TIE1: variants seen among roughly 807,000 people sequenced by gnomAD.
TIE1 encodes tyrosine kinase with immunoglobulin like and EGF like domains 1.
Under a neutral mutation model 130.5 loss-of-function variants are expected in TIE1, and 89 were observed. The observed-to-expected ratio is 0.68, with a 90% CI of 0.57 to 0.81. The LOEUF (loss-of-function observed/expected upper bound fraction) is 0.81. TIE1 is among the 40% of genes least tolerant of loss of function. The pLI, the probability that TIE1 is intolerant of heterozygous loss-of-function variation, is 0.00. For synonymous variants in TIE1, 568 were observed against 629.4 expected (o/e 0.90, Z 1.46); for missense variants, 1,392 against 1,559.8 (o/e 0.89, Z 1.81).
Position 43,307,035 on chromosome 1 carries a change from G to T in TIE1, c.640+40G>T, listed in dbSNP as rs756225035. The T allele has an allele frequency of 1.2e-6, 2 of 1,613,284 alleles. No homozygotes were observed. Among genetic ancestry groups the T allele is most frequent in the South Asian group, 1.1e-5 (1 of 91,070 alleles). On this transcript the variant is annotated intron_variant, in intron 4 of 22. Coordinates refer to ENST00000372476, the MANE Select transcript of TIE1 (RefSeq NM_005424.5). This position sits in a 1 kb window ranked among gnomAD's most constrained non-coding sequence, Gnocchi z 5.4. ...GCAGAGGTTGTGGGTAGGGTGGGAG[G>T]CTGGGAGCCCTATGGGTACTTCCTG...
At position 43,312,240 on chromosome 1, in the gene TIE1, G is replaced by T. The variant is rs1646804614; in HGVS notation, c.1631-65G>T. On this transcript the variant is annotated intron_variant, in intron 11 of 22. Transcript: ENST00000372476. This position sits in a 1 kb window ranked among gnomAD's most constrained non-coding sequence, Gnocchi z 5.6. ...AGGTTGTTCTTCCTTGTTCACTGGG[G>T]ATCATTGTCCTGTCCAGCCCCAAGT... is the stretch of plus-strand genomic sequence containing the variant. 6.6e-7 allele frequency: 1 copy of T among 1,512,484 alleles called. No individual in the cohort carries two copies. The highest frequency in any genetic ancestry group is 1.4e-5 in the African/African-American group (1 of 71,700). The allele number at this position is 1,512,484 out of a possible 1,614,324, so 93.7% of individuals were successfully genotyped here.
Position 43,313,329 on chromosome 1 carries a change from C to A in TIE1, c.2122C>A (p.Leu708Ile). 6.2e-7 allele frequency: 1 copy of A among 1,614,052 alleles called. No homozygotes were observed. The highest frequency in any genetic ancestry group is 8.5e-7 in the Non-Finnish European group (1 of 1,179,966). The change falls in exon 13 of 23, where the codon CTC (leucine) becomes ATC (isoleucine). Residue 708 changes from leucine to isoleucine, a missense_variant. Leu to Ile is a conservative substitution (Grantham distance 5). Around this residue, in one of 6 missense-constraint regions of TIE1, gnomAD observed 551 missense variants for 565.5 expected, o/e 0.97. Coordinates refer to ENST00000372476, the MANE Select transcript of TIE1 (RefSeq NM_005424.5). The surrounding 1 kb of genome is among the most constrained non-coding windows in gnomAD (Gnocchi z 6.2). ...GGAGACAAGCACCATCATCCGTGGCCTCAACGCCAGCACGCGCTACCTCTT... is the reference window on the plus strand; with the variant it reads ...GGAGACAAGCACCATCATCCGTGGCATCAACGCCAGCACGCGCTACCTCTT... The part of the protein sequence containing the change: ...PEETSTIIRG[L>I]NASTRYLFRM...
chr1:43,307,579 C>G lies in TIE1; in HGVS notation c.913+7C>G. On this transcript the variant is annotated splice_region_variant and intron_variant, in intron 6 of 22. Coordinates refer to ENST00000372476, the MANE Select transcript of TIE1 (RefSeq NM_005424.5). The surrounding 1 kb of genome is among the most constrained non-coding windows in gnomAD (Gnocchi z 5.4). ...GGAAGCCAGTGCCAAGAAGGTATGC[C>G]TAACCTACCCTCATGGTCCCTGACC... 1 of 1,614,028 alleles carries G rather than the reference C, an allele frequency of 6.2e-7. No individual in the cohort carries two copies. Among genetic ancestry groups the G allele is most frequent in the Non-Finnish European group, 8.5e-7 (1 of 1,179,976 alleles).
chr1:43,313,617 G>T lies in TIE1; in HGVS notation c.2219-161G>T. 9.5e-7 allele frequency: 1 copy of T among 1,053,660 alleles called. No homozygotes were observed. Among genetic ancestry groups the T allele is most frequent in the Non-Finnish European group, 1.3e-6 (1 of 745,330 alleles). The allele number at this position is 1,053,660 out of a possible 1,614,324, so 65.3% of individuals were successfully genotyped here. A position where few individuals can be genotyped will look rare whatever the true frequency, so the allele number is the denominator to read the frequency against. ...GTCCCAGGGCTGGGAAAATCATGTC[G>T]CCCCTCTGACACCCCTCATCCCTTC... On this transcript the variant is annotated intron_variant, in intron 13 of 22. Transcript: ENST00000372476. The surrounding 1 kb of genome is among the most constrained non-coding windows in gnomAD (Gnocchi z 6.2).
rs1646828634 is a variant in TIE1 at position 43,313,688 on chromosome 1, C to A, written c.2219-90C>A. 5 of 1,381,192 alleles carry A rather than the reference C, an allele frequency of 3.6e-6. No individual in the cohort carries two copies. Among genetic ancestry groups the A allele is most frequent in the Non-Finnish European group, 3.9e-6 (4 of 1,028,466 alleles). 85.6% of individuals were successfully genotyped at this position (1,381,192 alleles called of 1,614,324 possible). A position where few individuals can be genotyped will look rare whatever the true frequency, so the allele number is the denominator to read the frequency against. On this transcript the variant is annotated intron_variant, in intron 13 of 22. Coordinates refer to ENST00000372476, the MANE Select transcript of TIE1 (RefSeq NM_005424.5). The surrounding 1 kb of genome is among the most constrained non-coding windows in gnomAD (Gnocchi z 6.2). ...TTCCTGACAGTCCTGGCACTGGGAT[C>A]TTTCACCTCTCCCTCTGTGTAACCC...
rs1280915963 is a variant in TIE1, at chr1:43,304,990, C to T, written c.198C>T (p.Asp66=). ...AWGPPLLLEK[D]DRIVRTPPGP... ...GCCCGCCCCTGCTGCTGGAGAAGGA[C>T]GACCGTATCGTGCGCACCCCGCCCG... Residue 66 remains aspartate (D), a synonymous_variant, in exon 2 of 23, where the codon GAC becomes GAT. Transcript: ENST00000372476. The T allele has an allele frequency of 6.6e-6, 10 of 1,503,934 alleles. No homozygotes were observed. Among genetic ancestry groups the T allele is most frequent in the Non-Finnish European group, 8.0e-6 (9 of 1,126,176 alleles). 93.2% of individuals were successfully genotyped at this position (1,503,934 alleles called of 1,614,324 possible).
Position 43,318,074 on chromosome 1 carries a change from T to C in TIE1, c.2922+2T>C. On this transcript the variant is annotated splice_donor_variant, in intron 17 of 22. Coordinates refer to ENST00000372476, the MANE Select transcript of TIE1 (RefSeq NM_005424.5). LOFTEE classifies it high-confidence loss of function. This position sits in a 1 kb window ranked among gnomAD's most constrained non-coding sequence, Gnocchi z 4.4. ...ATGCAGTACCTGAGTGAGAAGCAGG[T>C]GTGTGTGAGTGGGGGCGGGTGGAGG... 6.5e-7 allele frequency: 1 copy of C among 1,534,078 alleles called. No homozygotes were observed. Among genetic ancestry groups the C allele is most frequent in the Non-Finnish European group, 8.8e-7 (1 of 1,140,138 alleles).
At position 43,301,032 on chromosome 1, in the gene TIE1, G is replaced by A. The variant is rs751652829; in HGVS notation, c.-40G>A. ...TCAGGCCCACAGCATCTGACCCCAG[G>A]CCCAGCTCGTCCTGGCTGGCCTGGG... On this transcript the variant is annotated 5_prime_UTR_variant, in exon 1 of 23. Transcript: ENST00000372476. 3.1e-6 allele frequency: 5 copies of A among 1,611,926 alleles called. No individual in the cohort carries two copies. Among genetic ancestry groups the A allele is most frequent in the Non-Finnish European group, 2.5e-6 (3 of 1,178,734 alleles).
At chr1:43,303,362 T>C (rs977883340) in intron 1 of TIE1, among the ~76,000 whole-genome samples, 2 of 152,154 alleles carry the variant, frequency 1.3e-5, no homozygotes, top group African/African-American at 4.8e-5. Flanking sequence ...GTAGAATAAT[T>C]ACCATGATCC....
chr1:43,311,686 T>A lies in TIE1; in HGVS notation c.1349T>A (p.Leu450Gln), dbSNP rs1320059305. ...CTCCTGGCAGTGCCCCCCGTGCCCC[T>A]GGCTGCACCTCGGCTCCTGACCAAG... is the stretch of plus-strand genomic sequence containing the variant. ...KVNVKVPPVP[L>Q]AAPRLLTKQS... is the part of the protein sequence containing the mutation. The change falls in exon 10 of 23, where the codon CTG becomes CAG. Residue 450 changes from leucine to glutamine, a missense_variant. Leu to Gln is a moderately radical substitution (Grantham distance 113). This residue lies in a region of TIE1 where 551 missense variants were observed against 565.5 expected (regional missense o/e 0.97). Transcript: ENST00000372476. 1 of 1,613,390 alleles carries A rather than the reference T, an allele frequency of 6.2e-7. No individual in the cohort carries two copies. Among genetic ancestry groups the A allele is most frequent in the South Asian group, 1.1e-5 (1 of 90,996 alleles).
intron 14 of TIE1, chr1:43,314,283 C>T (rs1646837542): frequency 1.1e-6 from 1 of 944,676 alleles, no homozygotes; most frequent in Non-Finnish European, 1.4e-6. Context: ...AGATTTTCCT[C>T]TCCCCTCTTT....
Position 43,317,741 on chromosome 1 carries a change from A to C in TIE1, c.2731+67A>C. 6.1e-6 allele frequency: 9 copies of C among 1,464,874 alleles called. No individual in the cohort carries two copies. The highest frequency in any genetic ancestry group is 1.3e-5 in the South Asian group (1 of 79,500). The allele number at this position is 1,464,874 out of a possible 1,614,324, so 90.7% of individuals were successfully genotyped here. A position where few individuals can be genotyped will look rare whatever the true frequency, so the allele number is the denominator to read the frequency against. ...CATCCTCAGCCATCACCTCCACCAC[A>C]TGAGTAGCTTGCCAGGGGCTGCTGG... is the stretch of plus-strand genomic sequence containing the variant. On this transcript the variant is annotated intron_variant, in intron 16 of 22. Coordinates refer to ENST00000372476, the MANE Select transcript of TIE1 (RefSeq NM_005424.5). This position sits in a 1 kb window ranked among gnomAD's most constrained non-coding sequence, Gnocchi z 5.1.
rs1433753686 is a variant in TIE1, at chr1:43,313,463, A to G, written c.2218+38A>G. On this transcript the variant is annotated intron_variant, in intron 13 of 22. Coordinates refer to ENST00000372476, the MANE Select transcript of TIE1 (RefSeq NM_005424.5). This position sits in a 1 kb window ranked among gnomAD's most constrained non-coding sequence, Gnocchi z 6.2. ...GGCCCACAGGACCCCCCGGGCTCTGAGCGGGGAGAGCTCAGCACGCTCTCC... is the reference window on the plus strand; with the variant it reads ...GGCCCACAGGACCCCCCGGGCTCTGGGCGGGGAGAGCTCAGCACGCTCTCC... The G allele has an allele frequency of 6.2e-7, 1 of 1,608,698 alleles. No homozygotes were observed. Among genetic ancestry groups the G allele is most frequent in the South Asian group, 1.1e-5 (1 of 90,790 alleles).
Position 43,317,190 on chromosome 1 carries a change from C to A in TIE1, c.2410-9C>A. 1 of 1,613,916 alleles carries A rather than the reference C, an allele frequency of 6.2e-7. No individual in the cohort carries two copies. The highest frequency in any genetic ancestry group is 8.5e-7 in the Non-Finnish European group (1 of 1,179,984). On this transcript the variant is annotated splice_polypyrimidine_tract_variant and intron_variant, in intron 14 of 22. Coordinates refer to ENST00000372476, the MANE Select transcript of TIE1 (RefSeq NM_005424.5). This position sits in a 1 kb window ranked among gnomAD's most constrained non-coding sequence, Gnocchi z 5.1. Reference sequence around the variant, plus strand: ...TGGACCGTCTGCCCTCTTGTCTCATCCTGTGAAGGGCGAGGAGACCATCCT... The same window carrying A: ...TGGACCGTCTGCCCTCTTGTCTCATACTGTGAAGGGCGAGGAGACCATCCT...
Position 43,319,143 on chromosome 1 carries a change from C to T in TIE1, c.2923-92C>T, listed in dbSNP as rs1646889290. ...TAGGAGTATGGGGTATTGAAGGTAA[C>T]AAGGGTACCCACGAAGACTGACTCC... On this transcript the variant is annotated intron_variant, in intron 17 of 22. Transcript: ENST00000372476. This position sits in a 1 kb window ranked among gnomAD's most constrained non-coding sequence, Gnocchi z 4.7. 3.3e-6 allele frequency: 3 copies of T among 895,862 alleles called. No individual in the cohort carries two copies. The highest frequency in any genetic ancestry group is 1.6e-5 in the African/African-American group (1 of 60,850). The allele number at this position is 895,862 out of a possible 1,614,324, so 55.5% of individuals were successfully genotyped here.
rs1162408836 is a variant in TIE1, at chr1:43,312,655, G to C, written c.1927+54G>C. 3 of 1,541,996 alleles carry C rather than the reference G, an allele frequency of 1.9e-6. No homozygotes were observed. The highest frequency in any genetic ancestry group is 1.9e-5 in the Admixed American group (1 of 53,574). ...GGTTGGGGGAGGACGTGGGACACAGGGACACATGAGACCTAGGAGACACGG... is the reference window on the plus strand; with the variant it reads ...GGTTGGGGGAGGACGTGGGACACAGCGACACATGAGACCTAGGAGACACGG... On this transcript the variant is annotated intron_variant, in intron 12 of 22. Coordinates refer to ENST00000372476, the MANE Select transcript of TIE1 (RefSeq NM_005424.5). The surrounding 1 kb of genome is among the most constrained non-coding windows in gnomAD (Gnocchi z 5.6).
At chr1:43,304,801 C>A in intron 1 of TIE1, 50 bp from the exon 2 acceptor site, 2 of 1,384,530 alleles carry the variant, frequency 1.4e-6, no homozygotes, top group Non-Finnish European at 1.9e-6. Flanking sequence ...GGCTCTGGGG[C>A]ACTAGGGTTG....
chr1:43,322,566 A>G lies in TIE1; in HGVS notation c.3346-85A>G. ...CCAGAACAAATCAGTGTCAGTTCAA[A>G]TGCCCCCACCACATGGAAGTCCAGG... On this transcript the variant is annotated intron_variant, in intron 22 of 22. Transcript: ENST00000372476. This position sits in a 1 kb window ranked among gnomAD's most constrained non-coding sequence, Gnocchi z 4.0. 2 of 986,022 alleles carry G rather than the reference A, an allele frequency of 2.0e-6. No individual in the cohort carries two copies. The highest frequency in any genetic ancestry group is 1.4e-5 in the South Asian group (1 of 73,310). 61.1% of individuals were successfully genotyped at this position (986,022 alleles called of 1,614,324 possible).
chr1:43,318,106 G>C lies in TIE1; in HGVS notation c.2922+34G>C. 3 of 1,516,660 alleles carry C rather than the reference G, an allele frequency of 2.0e-6. No homozygotes were observed. In the South Asian group the frequency reaches 4.0e-5, roughly 20 times the overall value. The allele number at this position is 1,516,660 out of a possible 1,614,324, so 94.0% of individuals were successfully genotyped here. ...GAGTGGGGGCGGGTGGAGGCCAGAG[G>C]GGGAAGCCACTGGGCTGGTGTCAGT... On this transcript the variant is annotated intron_variant, in intron 17 of 22. Coordinates refer to ENST00000372476, the MANE Select transcript of TIE1 (RefSeq NM_005424.5). This position sits in a 1 kb window ranked among gnomAD's most constrained non-coding sequence, Gnocchi z 4.4.
Sources: gnomAD v4.1 joint callset for allele counts (sites outside exome capture counted in the v4.1 genomes callset) on GRCh38, gnomAD v4.1.1 for gene constraint, gnomAD v4.1.1 regional missense constraint, Gnocchi (gnomAD v3.1) non-coding constraint, MANE v1.5 for transcripts, NCBI Gene and HGNC (gene_info 2026-07-23, HGNC 2026-07-21) for gene names.